The following UTRN variants were observed in gnomAD, a reference collection of about 807,000 sequenced individuals.
UTRN encodes the protein utrophin.
A neutral mutation model predicts 463.9 loss-of-function variants in UTRN; 283 were observed. That is an observed-to-expected ratio of 0.61 (90% CI 0.55 to 0.67). The LOEUF is 0.67. Among genes scored for constraint, UTRN ranks in the 30% least tolerant of loss-of-function variants. UTRN has a pLI of 0.00. For missense variants in UTRN, 3,922 were observed against 4,084.3 expected (o/e 0.96, Z 1.08); for synonymous variants, 1,442 against 1,431.5 (o/e 1.01, Z -0.17).
intron 51 of UTRN, among the ~76,000 whole-genome samples, chr6:144,620,302 T>A (rs570513968): frequency 2.5e-4 from 38 of 152,260 alleles, no homozygotes; most frequent in African/African-American, 9.1e-4. Context: ...CCAGAGCGGG[T>A]TCCTTTAACT....
At chr6:144,406,216 T>A (rs1584646193) in intron 3 of UTRN, among the ~76,000 whole-genome samples, 1 of 152,250 alleles carries the variant, frequency 6.6e-6, no homozygotes, top group Non-Finnish European at 1.5e-5. Context: ...CAGACATTAT[T>A]ATCACATTGG....
chr6:144,541,581 TTCATTCATACAG>T (rs1797978687), intron 45 of UTRN, among the ~76,000 whole-genome samples: 1 of 152,248 alleles, frequency 6.6e-6, no homozygotes. Flanking sequence ...GTTTATTTCA[TTCATTCATACAG>T]TCATTCATTC....
chr6:144,804,372 C>T (rs1356648814), intron 65 of UTRN, among the ~76,000 whole-genome samples: 1 of 152,144 alleles, frequency 6.6e-6, no homozygotes, highest in Non-Finnish European at 1.5e-5. Context: ...TCATTTATTA[C>T]TATTATCAAC....
chr6:144,746,372 C>G (rs988912215), intron 54 of UTRN, among the ~76,000 whole-genome samples: 5 of 152,192 alleles, frequency 3.3e-5, no homozygotes, highest in Non-Finnish European at 7.3e-5. Context: ...CTTCAGAGAG[C>G]TGCTTTCTCA....
At chr6:144,402,330 A>G (rs1412945545) in intron 2 of UTRN, among the ~76,000 whole-genome samples, 1 of 152,218 alleles carries the variant, frequency 6.6e-6, no homozygotes, top group Non-Finnish European at 1.5e-5. Flanking sequence ...AGGTCACACA[A>G]TAAATGGATT....
chr6:144,522,470 T>C (rs917391894), intron 40 of UTRN, among the ~76,000 whole-genome samples: 1 of 152,228 alleles, frequency 6.6e-6, no homozygotes, highest in African/African-American at 2.4e-5. Flanking sequence ...AACTAGATTG[T>C]CAGTTGATGT....
Position 144,820,903 on chromosome 6 carries a change from C to T in UTRN, c.9379C>T (p.Arg3127Ter), listed in dbSNP as rs1221330316. 17 of 1,613,446 alleles carry T rather than the reference C, an allele frequency of 1.1e-5. No homozygotes were observed. Among genetic ancestry groups the T allele is most frequent in the African/African-American group, 1.3e-5 (1 of 74,864 alleles). The change falls in exon 66 of 75, where the codon CGA (arginine) becomes TGA (stop). Residue 3127 changes from arginine to a stop codon, truncating the protein, a stop_gained. Transcript: ENST00000367545. LOFTEE classifies it high-confidence loss of function. ...ATAGACAACATCTGGGGAAGATGTA[C>T]GAGACTTCACAAAGGTACTTAAGAA... ...CIPTTSGEDVRDFTKVLKNKF... is the reference protein window; with the variant it reads ...CIPTTSGEDV
At chr6:144,350,983 T>C (rs1778059394) in intron 2 of UTRN, among the ~76,000 whole-genome samples, 1 of 152,222 alleles carries the variant, frequency 6.6e-6, no homozygotes, top group Non-Finnish European at 1.5e-5. Context: ...GATACACTAT[T>C]TTATTACATT....
chr6:144,851,410 T>C lies in UTRN; in HGVS notation c.*413T>C, dbSNP rs1177930526. The C allele has an allele frequency of 5.2e-5, 9 of 174,560 alleles. No individual in the cohort carries two copies. The highest frequency in any genetic ancestry group is 1.1e-4 in the Non-Finnish European group (9 of 81,372). The allele number at this position is 174,560 out of a possible 1,614,324, so 10.8% of individuals were successfully genotyped here. A position where few individuals can be genotyped will look rare whatever the true frequency, so the allele number is the denominator to read the frequency against. On this transcript the variant is annotated 3_prime_UTR_variant, in exon 75 of 75. Coordinates refer to ENST00000367545, the MANE Select transcript of UTRN (RefSeq NM_007124.3). ...CTTTACATTTTTACATTCCTTCTGC[T>C]GTTCATATTAACCTTGCACAATTAC...
chr6:144,678,140 C>T (rs973498154), intron 51 of UTRN, among the ~76,000 whole-genome samples: 1 of 152,062 alleles, frequency 6.6e-6, no homozygotes, highest in African/African-American at 2.4e-5. Flanking sequence ...ACTTTCTTCA[C>T]AGACCTAGAG....
intron 2 of UTRN, among the ~76,000 whole-genome samples, chr6:144,374,945 C>CAA (rs757547113): frequency 1.8e-4 from 9 of 49,116 alleles, no homozygotes; most frequent in African/African-American, 4.5e-4. Flanking sequence ...GACTCCATCT[C>CAA]AAAAAAAAAA....
chr6:144,828,741 C>T (rs753700377), intron 68 of UTRN, 49 bp from the exon 69 acceptor site: 39 of 1,551,106 alleles, frequency 2.5e-5, no homozygotes, highest in Non-Finnish European at 2.7e-6. Flanking sequence ...TCCAATTGAC[C>T]ATGTCCTATA....
chr6:144,699,931 C>CAT (rs554899198), intron 52 of UTRN, among the ~76,000 whole-genome samples, 156 bp from the exon 53 acceptor site: 165 of 148,052 alleles, frequency 1.1e-3, no homozygotes, highest in African/African-American at 3.4e-3. Context: ...ATTATAAATA[C>CAT]ATATATATAT....
At chr6:144,739,584 T>C (rs188451204) in intron 54 of UTRN, among the ~76,000 whole-genome samples, 107 of 152,262 alleles carry the variant, frequency 7.0e-4, no homozygotes, top group Middle Eastern at 6.8e-3. Flanking sequence ...ACAGCTTCCC[T>C]AAGTGTAGGC....
chr6:144,538,552 C>A (rs144454976), intron 44 of UTRN, among the ~76,000 whole-genome samples: 2 of 151,794 alleles, frequency 1.3e-5, no homozygotes, highest in African/African-American at 4.8e-5. Flanking sequence ...CGCATGTAGT[C>A]TCAGCTACTC....
intron 51 of UTRN, among the ~76,000 whole-genome samples, chr6:144,673,566 G>T (rs1400251477): frequency 1.3e-5 from 2 of 152,062 alleles, no homozygotes; most frequent in Non-Finnish European, 2.9e-5. Context: ...GAAGACAGCA[G>T]ATACTTGGTT....
chr6:144,424,169 A>G, intron 6 of UTRN, 91 bp downstream of exon 6: 1 of 1,350,874 alleles, frequency 7.4e-7, no homozygotes, highest in East Asian at 2.3e-5. Context: ...AAGTACCACA[A>G]GCTGCTTGGC....
At chr6:144,607,116 T>A (rs1284502042) in intron 51 of UTRN, among the ~76,000 whole-genome samples, 5 of 152,206 alleles carry the variant, frequency 3.3e-5, no homozygotes, top group Admixed American at 3.3e-4. Flanking sequence ...CATAAACAAA[T>A]ATGGAGTCTG....
intron 71 of UTRN, among the ~76,000 whole-genome samples, chr6:144,838,664 A>T (rs1781305979): frequency 6.6e-6 from 1 of 152,194 alleles, no homozygotes; most frequent in Non-Finnish European, 1.5e-5. Context: ...TCCCCATTTT[A>T]CAAATAAAGA....
Sources: allele counts gnomAD v4.1 joint callset (sites outside exome capture counted in the v4.1 genomes callset), GRCh38; gene constraint gnomAD v4.1.1; transcripts MANE v1.5; gene names NCBI Gene and HGNC (gene_info 2026-07-23, HGNC 2026-07-21).